Variants in CHST11 observed in about 807,000 individuals in gnomAD.
CHST11 encodes carbohydrate sulfotransferase 11, also known as C4S-1.
In CHST11, 9 loss-of-function variants were observed where a neutral mutation model predicts 30.4. The observed-to-expected ratio is 0.30, with a 90% CI of 0.18 to 0.52. The LOEUF (loss-of-function observed/expected upper bound fraction) is 0.52, where lower values mean the gene tolerates loss of function less well. Among genes scored for constraint, CHST11 ranks in the 20% least tolerant of loss-of-function variants. CHST11 has a pLI of 0.97. For synonymous variants in CHST11, 152 were observed against 187.8 expected (o/e 0.81, Z 1.56); for missense variants, 348 against 460.6 (o/e 0.76, Z 2.24).
At chr12:104,671,547 G>A (rs775564003) in intron 2 of CHST11, among the ~76,000 whole-genome samples, 35 of 152,100 alleles carry the variant, frequency 2.3e-4, no homozygotes, top group Admixed American at 4.6e-4. Flanking sequence ...AAGTCCTGTC[G>A]CTTCCCCCAC....
rs192974791 is a variant in CHST11 at position 104,512,121 on chromosome 12, G to A, written c.118+54592G>A. Reference sequence around the variant, plus strand: ...TCTGTGGTTGATTTAATCTGTAGATGCAGAACCTGAAGTTATAGAAGACTG... The same window carrying A: ...TCTGTGGTTGATTTAATCTGTAGATACAGAACCTGAAGTTATAGAAGACTG... On this transcript the variant is annotated intron_variant, in intron 1 of 2. Coordinates refer to ENST00000303694, the MANE Select transcript of CHST11 (RefSeq NM_018413.6). Among the ~76,000 whole-genome samples, 397 of 152,210 alleles carry A rather than the reference G, an allele frequency of 2.6e-3. 5 individuals are homozygous for A. Among genetic ancestry groups the A allele is most frequent in the Non-Finnish European group, 2.8e-3 (189 of 68,014 alleles).
intron 1 of CHST11, among the ~76,000 whole-genome samples, chr12:104,483,294 T>G (rs1593960984): frequency 6.6e-6 from 1 of 152,230 alleles, no homozygotes; most frequent in South Asian, 2.1e-4. Context: ...CAACCTCTGC[T>G]TCCTGGGTTC....
At chr12:104,557,251 AC>A (rs745465534) in intron 1 of CHST11, among the ~76,000 whole-genome samples, 7 of 152,146 alleles carry the variant, frequency 4.6e-5, no homozygotes, top group Non-Finnish European at 8.8e-5. Context: ...AAGTGAACTC[AC>A]TTCTGCCTCT....
intron 2 of CHST11, among the ~76,000 whole-genome samples, chr12:104,656,703 T>A (rs991545032): frequency 1.8e-4 from 27 of 152,190 alleles, no homozygotes; most frequent in Admixed American, 1.6e-3. Context: ...CCTCAGCCAG[T>A]GAGACACAGA....
chr12:104,487,310 GGA>G (rs2037690304), intron 1 of CHST11, among the ~76,000 whole-genome samples: 1 of 152,158 alleles, frequency 6.6e-6, no homozygotes, highest in Non-Finnish European at 1.5e-5. Flanking sequence ...CTTCCAGGCA[GGA>G]GTGCAGTGGC....
At chr12:104,670,384 C>G (rs532230525) in intron 2 of CHST11, among the ~76,000 whole-genome samples, 1 of 152,200 alleles carries the variant, frequency 6.6e-6, no homozygotes, top group South Asian at 2.1e-4. Flanking sequence ...CCAGACCGTC[C>G]ATGAACTGCC....
chr12:104,755,529 C>T (rs1053882049), intron 2 of CHST11, among the ~76,000 whole-genome samples: 1 of 152,152 alleles, frequency 6.6e-6, no homozygotes, highest in African/African-American at 2.4e-5. Context: ...CTCACCCCTG[C>T]AGTCTCAGCA....
Position 104,760,807 on chromosome 12 carries a change from T to A in CHST11, c.*3004T>A, listed in dbSNP as rs936589843. On this transcript the variant is annotated 3_prime_UTR_variant, in exon 3 of 3. Transcript: ENST00000303694. ...AATGGCATTGAAACTTTAAAAAAAA[T>A]GGATTCAACTGTTTTTGCAGAATGT... The A allele has an allele frequency of 6.6e-6, 1 of 152,226 alleles. No homozygotes were observed. The highest frequency in any genetic ancestry group is 2.4e-5 in the African/African-American group (1 of 41,456). The allele number at this position is 152,226 out of a possible 1,614,324, so 9.4% of individuals were successfully genotyped here. A position where few individuals can be genotyped will look rare whatever the true frequency, so the allele number is the denominator to read the frequency against.
intron 2 of CHST11, among the ~76,000 whole-genome samples, chr12:104,736,550 A>G (rs1241023637): frequency 6.6e-6 from 1 of 152,192 alleles, no homozygotes; most frequent in Admixed American, 6.5e-5. Context: ...ATTCTGGCCC[A>G]GTTTGAAGAG....
intron 2 of CHST11, among the ~76,000 whole-genome samples, chr12:104,746,172 A>G (rs2040387682): frequency 6.6e-6 from 1 of 152,196 alleles, no homozygotes; most frequent in Admixed American, 6.5e-5. Flanking sequence ...GGCATCAGCC[A>G]CCTTCAGTGG....
intron 2 of CHST11, among the ~76,000 whole-genome samples, chr12:104,670,165 G>T (rs2039676618): frequency 6.6e-6 from 1 of 152,184 alleles, no homozygotes. Flanking sequence ...AGGGAGGAAG[G>T]GGGGTCCACC....
At chr12:104,685,364 T>C (rs1242188795) in intron 2 of CHST11, among the ~76,000 whole-genome samples, 2 of 152,270 alleles carry the variant, frequency 1.3e-5, no homozygotes, top group Non-Finnish European at 2.9e-5. Flanking sequence ...CCTAAACTTA[T>C]TTTATGACTT....
At chr12:104,513,930 C>T in intron 1 of CHST11, 1 of 522,586 alleles carries the variant, frequency 1.9e-6, no homozygotes, top group African/African-American at 1.9e-5. Context: ...TAAAGGAATA[C>T]CTGAGGCTGA....
chr12:104,502,751 A>G (rs543616436), intron 1 of CHST11, among the ~76,000 whole-genome samples: 1 of 152,344 alleles, frequency 6.6e-6, no homozygotes, highest in East Asian at 1.9e-4. Flanking sequence ...TCATGAAAGA[A>G]TTTTAACAAT....
chr12:104,564,579 C>G (rs960777189), intron 1 of CHST11, among the ~76,000 whole-genome samples: 4 of 152,210 alleles, frequency 2.6e-5, no homozygotes, highest in East Asian at 3.8e-4. Flanking sequence ...CCTGTGGCCC[C>G]TCACTGCAAG....
intron 1 of CHST11, among the ~76,000 whole-genome samples, chr12:104,489,204 T>C (rs1258679811): frequency 6.6e-6 from 1 of 152,000 alleles, no homozygotes; most frequent in Non-Finnish European, 1.5e-5. Context: ...TCCCAGCTAA[T>C]TTTTGTATTT....
intron 2 of CHST11, among the ~76,000 whole-genome samples, chr12:104,639,898 C>T (rs999761774): frequency 6.6e-5 from 10 of 151,532 alleles, no homozygotes; most frequent in African/African-American, 1.5e-4. Flanking sequence ...GAACAAACAG[C>T]CCAGTTAAAA....
chr12:104,714,575 A>G (rs971303074), intron 2 of CHST11, among the ~76,000 whole-genome samples: 6 of 150,612 alleles, frequency 4.0e-5, no homozygotes, highest in Non-Finnish European at 5.9e-5. Flanking sequence ...GATGATGATG[A>G]TGGTGACGGT....
intron 1 of CHST11, 118 bp downstream of exon 1, chr12:104,457,647 C>A: frequency 1.3e-6 from 1 of 779,618 alleles, no homozygotes; most frequent in Non-Finnish European, 2.2e-6. Context: ...CTCTTCGGGG[C>A]TCCTGGCTGC....
Sources: gnomAD v4.1 joint callset for allele counts (sites outside exome capture counted in the v4.1 genomes callset) on GRCh38, gnomAD v4.1.1 for gene constraint, MANE v1.5 for transcripts, NCBI Gene and HGNC (gene_info 2026-07-23, HGNC 2026-07-21) for gene names.